CSMD3: variants seen among roughly 807,000 people sequenced by gnomAD.
The protein encoded by CSMD3 is CUB and sushi domain-containing protein 3.
A neutral mutation model predicts 435.2 loss-of-function variants in CSMD3; 177 were observed. That is an observed-to-expected ratio of 0.41 (90% confidence interval 0.36 to 0.46). CSMD3 has a LOEUF of 0.46. Among genes scored for constraint, CSMD3 ranks in the 20% least tolerant of loss-of-function variants. The probability of loss-of-function intolerance (pLI) is 0.34; values close to 1 mark genes in which losing one functional copy is unlikely to be tolerated. For missense variants in CSMD3, 4,265 were observed against 4,504.6 expected (o/e 0.95, Z 1.52); for synonymous variants, 1,656 against 1,520.5 (o/e 1.09, Z -2.07).
intron 3 of CSMD3, among the ~76,000 whole-genome samples, chr8:113,271,582 A>G (rs900190179): frequency 6.6e-6 from 1 of 152,166 alleles, no homozygotes; most frequent in African/African-American, 2.4e-5. Context: ...ACCTCCATCT[A>G]TATTTCAGAA....
chr8:112,608,869 C>T (rs1321534349), intron 22 of CSMD3, among the ~76,000 whole-genome samples: 2 of 151,958 alleles, frequency 1.3e-5, no homozygotes, highest in South Asian at 4.2e-4. Context: ...AAGACTTAAT[C>T]ATGAGACCTG....
chr8:112,609,820 A>G (rs766897067), intron 22 of CSMD3, among the ~76,000 whole-genome samples: 1 of 152,174 alleles, frequency 6.6e-6, no homozygotes, highest in Admixed American at 6.6e-5. Flanking sequence ...ATATTATTCA[A>G]TATGGAATAT....
chr8:112,942,872 A>T (rs2130775602), intron 9 of CSMD3, among the ~76,000 whole-genome samples: 1 of 151,948 alleles, frequency 6.6e-6, no homozygotes, highest in South Asian at 2.1e-4. Context: ...CTAAAAGTTT[A>T]AAAATAATAA....
chr8:112,638,995 A>T (rs950535967), intron 20 of CSMD3, 84 bp from the exon 21 acceptor site: 2 of 887,232 alleles, frequency 2.3e-6, no homozygotes, highest in Non-Finnish European at 3.6e-6. Context: ...ATTAGCCAGG[A>T]CTTTACTTAT....
intron 37 of CSMD3, among the ~76,000 whole-genome samples, chr8:112,383,228 A>C (rs1413938233): frequency 2.6e-5 from 4 of 152,128 alleles, no homozygotes; most frequent in Non-Finnish European, 5.9e-5. Flanking sequence ...TTCAAAGCAC[A>C]GTCTAATTTT....
chr8:112,265,425 A>C lies in CSMD3; in HGVS notation c.9674T>G (p.Met3225Arg), dbSNP rs769005267. The change falls in exon 60 of 71, where the codon ATG becomes AGG. Residue 3225 changes from methionine (M) to arginine (R), a missense_variant. Met to Arg is a moderately conservative substitution (Grantham distance 91, BLOSUM62 -1). Around this residue, in one of 3 missense-constraint regions of CSMD3, gnomAD observed 3,255 missense variants for 3,380.2 expected, o/e 0.96. Transcript: ENST00000297405. ...CTINGTWSGVMPTCRAVTCPT... is the reference protein window; with the variant it reads ...CTINGTWSGVRPTCRAVTCPT... ...CATTATCATACCTCTACAAGTTGGC[A>C]TTACTCCACTCCATGTGCCATTAAT... 6.2e-7 allele frequency: 1 copy of C among 1,612,820 alleles called. No individual in the cohort carries two copies. Among genetic ancestry groups the C allele is most frequent in the Non-Finnish European group, 8.5e-7 (1 of 1,178,922 alleles).
At chr8:112,666,893 T>C (rs1388531132) in intron 16 of CSMD3, among the ~76,000 whole-genome samples, 1 of 152,120 alleles carries the variant, frequency 6.6e-6, no homozygotes, top group African/African-American at 2.4e-5. Context: ...TCTGCTATTT[T>C]CTTTCTTACT....
chr8:112,322,396 ATT>A (rs1823083843), intron 45 of CSMD3, among the ~76,000 whole-genome samples: 3 of 152,142 alleles, frequency 2.0e-5, no homozygotes, highest in Admixed American at 6.6e-5. Context: ...CTAATGTCTT[ATT>A]CTCTGTTCTT....
At chr8:112,364,920 C>T (rs527302904) in intron 38 of CSMD3, among the ~76,000 whole-genome samples, 3 of 152,182 alleles carry the variant, frequency 2.0e-5, no homozygotes, top group Admixed American at 6.5e-5. Flanking sequence ...AACTTGAATA[C>T]TTCATGTGAG....
intron 3 of CSMD3, among the ~76,000 whole-genome samples, chr8:113,265,779 C>T (rs2093465019): frequency 6.6e-6 from 1 of 151,434 alleles, no homozygotes; most frequent in African/African-American, 2.4e-5. Context: ...CATGATTTAG[C>T]TAAAAAGTCA....
At chr8:112,913,821 C>A (rs757353791) in intron 10 of CSMD3, among the ~76,000 whole-genome samples, 1 of 151,702 alleles carries the variant, frequency 6.6e-6, no homozygotes, top group Non-Finnish European at 1.5e-5. Flanking sequence ...TTTTGAATCC[C>A]TGCTTATCCT....
chr8:112,474,834 T>A (rs181001464), intron 31 of CSMD3, among the ~76,000 whole-genome samples: 85 of 152,320 alleles, frequency 5.6e-4, no homozygotes, highest in Admixed American at 3.4e-3. Context: ...TCTGCCTTTT[T>A]TCTTTAATGT....
chr8:113,252,040 T>C (rs1444436734), intron 3 of CSMD3, among the ~76,000 whole-genome samples: 1 of 152,112 alleles, frequency 6.6e-6, no homozygotes, highest in Admixed American at 6.6e-5. Flanking sequence ...TGTAATTTAC[T>C]TTTTATATTT....
chr8:113,303,040 G>A (rs2093786713), intron 2 of CSMD3, among the ~76,000 whole-genome samples: 1 of 97,656 alleles, frequency 1.0e-5, no homozygotes, highest in Non-Finnish European at 2.0e-5. Flanking sequence ...ATGTCCTTAA[G>A]CTGATAAGCA....
chr8:112,351,780 T>C (rs1475648499), intron 39 of CSMD3, among the ~76,000 whole-genome samples: 15 of 151,998 alleles, frequency 9.9e-5, no homozygotes, highest in Non-Finnish European at 1.9e-4. Flanking sequence ...AATTTTGCTT[T>C]CTCTGAAGAA....
chr8:113,222,547 T>TA (rs1380557021), intron 3 of CSMD3, among the ~76,000 whole-genome samples: 1 of 151,114 alleles, frequency 6.6e-6, no homozygotes, highest in Non-Finnish European at 1.5e-5. Flanking sequence ...CAAAGAATTT[T>TA]ACGAGGAGAA....
intron 4 of CSMD3, among the ~76,000 whole-genome samples, chr8:113,138,977 T>C (rs1341143659): frequency 6.6e-6 from 1 of 151,006 alleles, no homozygotes; most frequent in East Asian, 1.9e-4. Context: ...TGAAATATCA[T>C]TAAACAGAGA....
intron 38 of CSMD3, among the ~76,000 whole-genome samples, chr8:112,366,676 G>C (rs148812896): frequency 6.6e-6 from 1 of 152,118 alleles, no homozygotes; most frequent in African/African-American, 2.4e-5. Context: ...GGGATTACAG[G>C]TGTGAGCCAC....
intron 38 of CSMD3, among the ~76,000 whole-genome samples, chr8:112,359,674 A>G (rs1286147191): frequency 6.6e-6 from 1 of 152,090 alleles, no homozygotes; most frequent in Non-Finnish European, 1.5e-5. Flanking sequence ...TAGAGTTATG[A>G]TTAGATTAGA....
Sources: allele counts gnomAD v4.1 joint callset (sites outside exome capture counted in the v4.1 genomes callset), GRCh38; gene constraint gnomAD v4.1.1; regional missense constraint gnomAD v4.1.1; transcripts MANE v1.5; gene names NCBI Gene and HGNC (gene_info 2026-07-23, HGNC 2026-07-21).